The following CBLB variants were observed in gnomAD, a reference collection of about 807,000 sequenced individuals.
CBLB encodes the protein Cbl proto-oncogene B.
A neutral mutation model predicts 104.9 loss-of-function variants in CBLB; 31 were observed. That is an observed-to-expected ratio of 0.30 (90% confidence interval 0.22 to 0.40). The LOEUF (loss-of-function observed/expected upper bound fraction) is 0.40. Among genes scored for constraint, CBLB ranks in the 10% least tolerant of loss-of-function variants. The pLI, the probability that CBLB is intolerant of heterozygous loss-of-function variation, is 1.00. For missense variants in CBLB, 1,062 were observed against 1,214.6 expected, an observed-to-expected ratio of 0.87 and a Z score of 1.87; for synonymous variants, 440 against 422.6, an observed-to-expected ratio of 1.04 and a Z score of -0.51.
chr3:105,761,738 G>C (rs534681413), intron 4 of CBLB, among the ~76,000 whole-genome samples: 13 of 152,156 alleles, frequency 8.5e-5, no homozygotes, highest in African/African-American at 3.1e-4. Flanking sequence ...CAGTAGAGTG[G>C]GGTGCTGCTG....
At chr3:105,850,896 G>A (rs1014007807) in intron 3 of CBLB, among the ~76,000 whole-genome samples, 2 of 152,102 alleles carry the variant, frequency 1.3e-5, no homozygotes, top group Non-Finnish European at 2.9e-5. Context: ...ACTGTCATTC[G>A]TTGCTGGTGG....
At chr3:105,720,330 T>C (rs1174260991) in intron 9 of CBLB, 80 bp from the exon 10 acceptor site, 2 of 1,350,458 alleles carry the variant, frequency 1.5e-6, no homozygotes, top group Non-Finnish European at 1.0e-6. Context: ...TCTACAACTA[T>C]AAAAGTCACA....
rs1382344247 is a variant in CBLB, at chr3:105,658,710, A to G, written c.*260T>C. On this transcript the variant is annotated 3_prime_UTR_variant, in exon 19 of 19. Coordinates refer to ENST00000394030, the MANE Select transcript of CBLB (RefSeq NM_170662.5). ...AAGCATTTCACAGGTTCAAAGTTCA[A>G]GGGAAGTAAACGTCTTTAAATTATT... 2 of 523,816 alleles carry G rather than the reference A, an allele frequency of 3.8e-6. No homozygotes were observed. Among genetic ancestry groups the G allele is most frequent in the Non-Finnish European group, 3.4e-6 (1 of 292,888 alleles). 32.4% of individuals were successfully genotyped at this position (523,816 alleles called of 1,614,324 possible).
intron 7 of CBLB, 21 bp from the exon 8 acceptor site, chr3:105,737,279 T>C: frequency 8.2e-7 from 1 of 1,226,938 alleles, no homozygotes; most frequent in Non-Finnish European, 1.2e-6. Flanking sequence ...ACAGAAACTT[T>C]ATTACCTTAA....
chr3:105,798,031 C>A (rs7634020), intron 3 of CBLB, among the ~76,000 whole-genome samples: 1 of 152,272 alleles, frequency 6.6e-6, no homozygotes, highest in Admixed American at 6.5e-5. Context: ...GAGCAACTTA[C>A]CTTGGCCATT....
intron 13 of CBLB, among the ~76,000 whole-genome samples, chr3:105,685,684 C>T (rs1420389182): frequency 6.6e-6 from 1 of 152,044 alleles, no homozygotes; most frequent in Non-Finnish European, 1.5e-5. Context: ...TTTTCATCCT[C>T]ACAATTTTAA....
At chr3:105,855,460 G>T (rs1021826336) in intron 2 of CBLB, among the ~76,000 whole-genome samples, 2 of 152,120 alleles carry the variant, frequency 1.3e-5, no homozygotes, top group Non-Finnish European at 2.9e-5. Context: ...TAATTTATTT[G>T]ATGTAGTAAC....
intron 4 of CBLB, 108 bp from the exon 5 acceptor site, chr3:105,751,726 T>TA: frequency 1.2e-6 from 1 of 812,552 alleles, no homozygotes; most frequent in Non-Finnish European, 2.1e-6. Context: ...ATTGTATTTG[T>TA]ACTACCAGAC....
At chr3:105,847,964 C>G (rs1208700602) in intron 3 of CBLB, among the ~76,000 whole-genome samples, 2 of 152,088 alleles carry the variant, frequency 1.3e-5, no homozygotes, top group Non-Finnish European at 2.9e-5. Context: ...TTCTCCTTTT[C>G]TCTATGCTTC....
intron 3 of CBLB, among the ~76,000 whole-genome samples, chr3:105,812,147 T>G (rs2084398450): frequency 1.3e-5 from 2 of 152,172 alleles, no homozygotes; most frequent in African/African-American, 4.8e-5. Flanking sequence ...GCATATACAG[T>G]TAAAGAGGAC....
intron 16 of CBLB, among the ~76,000 whole-genome samples, chr3:105,679,256 G>A (rs1308797591): frequency 7.0e-6 from 1 of 143,378 alleles, no homozygotes; most frequent in Non-Finnish European, 1.5e-5. Flanking sequence ...CTAGAATATT[G>A]CAGCATAGTT....
chr3:105,723,896 C>T (rs1186315816), intron 9 of CBLB: 2 of 154,030 alleles, frequency 1.3e-5, no homozygotes, highest in East Asian at 3.6e-4. Flanking sequence ...ATGTAATATA[C>T]ATCAAGGGCT....
At chr3:105,860,934 T>C (rs1435556582) in intron 2 of CBLB, among the ~76,000 whole-genome samples, 7 of 152,188 alleles carry the variant, frequency 4.6e-5, no homozygotes. Flanking sequence ...GGAAAAGACG[T>C]AGGGCTTTAA....
chr3:105,804,424 G>A (rs1409151611), intron 3 of CBLB, among the ~76,000 whole-genome samples: 1 of 151,928 alleles, frequency 6.6e-6, no homozygotes, highest in Non-Finnish European at 1.5e-5. Flanking sequence ...GGGAGGCTAG[G>A]GTGTGAGAAT....
intron 9 of CBLB, 118 bp from the exon 10 acceptor site, chr3:105,720,368 G>T: frequency 2.3e-6 from 2 of 880,180 alleles, no homozygotes; most frequent in Non-Finnish European, 3.6e-6. Context: ...TGGGGTAGGA[G>T]GTGGGGGAAG....
At chr3:105,691,400 C>A (rs1157711606) in intron 13 of CBLB, among the ~76,000 whole-genome samples, 1 of 152,196 alleles carries the variant, frequency 6.6e-6, no homozygotes, top group African/African-American at 2.4e-5. Flanking sequence ...CACTTACCAA[C>A]TGAAGTATTA....
At chr3:105,853,347 G>A in intron 3 of CBLB, 67 bp downstream of exon 3, 1 of 1,529,094 alleles carries the variant, frequency 6.5e-7, no homozygotes, top group Non-Finnish European at 9.1e-7. Flanking sequence ...TGACGTTTAG[G>A]TTAACTATTA....
rs540682269 is a variant in CBLB, at chr3:105,847,671, T to A, written c.419+5743A>T. On this transcript the variant is annotated intron_variant, in intron 3 of 18. Coordinates refer to ENST00000394030, the MANE Select transcript of CBLB (RefSeq NM_170662.5). Reference sequence around the variant, plus strand: ...GAGGGGAAAATGGGTTGTAGCACCCTGGCTCACTCAAGCAGTTCAAAAATA... The same window carrying A: ...GAGGGGAAAATGGGTTGTAGCACCCAGGCTCACTCAAGCAGTTCAAAAATA... Among the ~76,000 whole-genome samples the A allele has an allele frequency of 7.2e-5, 11 of 152,122 alleles. 1 individual carries two copies. The Middle Eastern group carries it at 0.01, about 141-fold the overall frequency.
intron 4 of CBLB, among the ~76,000 whole-genome samples, chr3:105,752,565 T>A (rs2076689008): frequency 6.6e-6 from 1 of 152,200 alleles, no homozygotes; most frequent in Admixed American, 6.5e-5. Flanking sequence ...GATAACATCC[T>A]CTTATAAGAT....
Sources: gnomAD v4.1 joint callset for allele counts (sites outside exome capture counted in the v4.1 genomes callset) on GRCh38, gnomAD v4.1.1 for gene constraint, MANE v1.5 for transcripts, NCBI Gene and HGNC (gene_info 2026-07-23, HGNC 2026-07-21) for gene names.